The following CFAP44 variants were observed in gnomAD, a reference collection of about 807,000 sequenced individuals.
CFAP44 encodes cilia- and flagella-associated protein 44.
A neutral mutation model predicts 216.2 loss-of-function variants in CFAP44; 134 were observed. That is an observed-to-expected ratio of 0.62 (90% CI 0.54 to 0.72). The LOEUF is 0.72. Ranked by LOEUF, CFAP44 falls within the 30% of genes least tolerant of loss-of-function variation. CFAP44 has a pLI of 0.00. For missense variants in CFAP44, 2,035 were observed against 2,182.1 expected, an observed-to-expected ratio of 0.93 and a Z score of 1.34; for synonymous variants, 700 against 727.6, an observed-to-expected ratio of 0.96 and a Z score of 0.61.
Position 113,287,343 on chromosome 3 carries a change from A to G in CFAP44, c.*4214T>C. 4.6e-6 allele frequency: 1 copy of G among 217,736 alleles called. No homozygotes were observed. Among genetic ancestry groups the G allele is most frequent in the Admixed American group, 5.4e-5 (1 of 18,570 alleles). 13.5% of individuals were successfully genotyped at this position (217,736 alleles called of 1,614,324 possible). On this transcript the variant is annotated 3_prime_UTR_variant, in exon 35 of 35. Transcript: ENST00000393845. ...CCCATGAGAACAGACCAAGATGTGT[A>G]CAGCACTATGAGCATTAAAAAACCT...
At chr3:113,415,857 C>T (rs756615313) in intron 6 of CFAP44, among the ~76,000 whole-genome samples, 1 of 151,994 alleles carries the variant, frequency 6.6e-6, no homozygotes, top group Non-Finnish European at 1.5e-5. Context: ...TAGGGGAGAG[C>T]TCTGTAGAGG....
chr3:113,414,551 TGA>T (rs1241132295), intron 6 of CFAP44, among the ~76,000 whole-genome samples: 2 of 152,172 alleles, frequency 1.3e-5, no homozygotes, highest in African/African-American at 2.4e-5. Flanking sequence ...CCTAGTTTAT[TGA>T]GAGTTTTTGA....
chr3:113,393,103 T>C (rs762566137), intron 15 of CFAP44, among the ~76,000 whole-genome samples: 1 of 152,196 alleles, frequency 6.6e-6, no homozygotes, highest in Non-Finnish European at 1.5e-5. Context: ...AGAAGCTTAA[T>C]ACGTTATGCT....
At chr3:113,407,786 G>A (rs551095453) in intron 7 of CFAP44, among the ~76,000 whole-genome samples, 1 of 152,264 alleles carries the variant, frequency 6.6e-6, no homozygotes, top group African/African-American at 2.4e-5. Context: ...ATAGATAATG[G>A]AGAGTATCAA....
At chr3:113,350,011 G>A (rs1950427222) in intron 22 of CFAP44, among the ~76,000 whole-genome samples, 1 of 152,182 alleles carries the variant, frequency 6.6e-6, no homozygotes, top group South Asian at 2.1e-4. Context: ...AACCTCTGGA[G>A]GCACCCCCAT....
intron 22 of CFAP44, among the ~76,000 whole-genome samples, chr3:113,352,064 G>A (rs560367919): frequency 2.0e-5 from 3 of 152,274 alleles, no homozygotes; most frequent in South Asian, 2.1e-4. Flanking sequence ...TGTTTAGAGG[G>A]GGGATTGAGA....
At chr3:113,303,772 AG>A in intron 32 of CFAP44, 143 bp downstream of exon 32, 1 of 842,268 alleles carries the variant, frequency 1.2e-6, no homozygotes, top group Non-Finnish European at 1.8e-6. Context: ...AACGGTGAGT[AG>A]GAAGATGTTG....
intron 2 of CFAP44, chr3:113,432,225 G>T (rs888974651): frequency 6.6e-6 from 1 of 152,186 alleles, no homozygotes; most frequent in Non-Finnish European, 1.5e-5. Context: ...TGTGCCAGGA[G>T]CTGTGATAAA....
At chr3:113,293,592 C>T (rs148258112) in intron 34 of CFAP44, among the ~76,000 whole-genome samples, 4 of 152,328 alleles carry the variant, frequency 2.6e-5, no homozygotes, top group East Asian at 1.9e-4. Flanking sequence ...CAAAGCACAT[C>T]GACTCAACAA....
At chr3:113,311,533 A>T (rs571120397) in intron 28 of CFAP44, among the ~76,000 whole-genome samples, 79 of 152,316 alleles carry the variant, frequency 5.2e-4, no homozygotes, top group African/African-American at 1.7e-3. Flanking sequence ...AGGCATCCCC[A>T]GCCATGTGGA....
At chr3:113,312,858 C>T (rs1027110750) in intron 28 of CFAP44, among the ~76,000 whole-genome samples, 9 of 152,096 alleles carry the variant, frequency 5.9e-5, no homozygotes, top group African/African-American at 9.7e-5. Context: ...TGGGAACCTC[C>T]GCCTAGATTT....
chr3:113,392,035 T>G (rs764755064), intron 15 of CFAP44, among the ~76,000 whole-genome samples: 1 of 152,134 alleles, frequency 6.6e-6, no homozygotes, highest in African/African-American at 2.4e-5. Flanking sequence ...GCAATCCCAC[T>G]GCTAGGTATA....
chr3:113,384,106 T>G (rs879753037), intron 15 of CFAP44, among the ~76,000 whole-genome samples: 1 of 152,036 alleles, frequency 6.6e-6, no homozygotes, highest in Admixed American at 6.6e-5. Flanking sequence ...TCACCCAGGC[T>G]GGAGTGCAGT....
At chr3:113,306,357 C>G in intron 29 of CFAP44, 26 bp from the exon 30 acceptor site, 1 of 1,530,794 alleles carries the variant, frequency 6.5e-7, no homozygotes. Context: ...AAATAAAAAC[C>G]AGCCTCATTT....
chr3:113,364,589 T>C (rs1476200737), intron 19 of CFAP44, among the ~76,000 whole-genome samples: 3 of 152,186 alleles, frequency 2.0e-5, no homozygotes, highest in Non-Finnish European at 2.9e-5. Context: ...TTTTCTAATA[T>C]CAGTGTAACT....
At chr3:113,335,514 C>G (rs1462224540) in intron 24 of CFAP44, among the ~76,000 whole-genome samples, 1 of 152,160 alleles carries the variant, frequency 6.6e-6, no homozygotes, top group Non-Finnish European at 1.5e-5. Flanking sequence ...TAATGTGAAC[C>G]ACCATGAAGC....
chr3:113,336,691 G>A (rs1364458357), intron 24 of CFAP44, among the ~76,000 whole-genome samples: 1 of 151,998 alleles, frequency 6.6e-6, no homozygotes, highest in African/African-American at 2.4e-5. Flanking sequence ...AATAGCAGAT[G>A]TAAGCCCTAA....
chr3:113,354,840 C>A (rs899632558), intron 22 of CFAP44, among the ~76,000 whole-genome samples: 2 of 152,154 alleles, frequency 1.3e-5, no homozygotes, highest in South Asian at 4.1e-4. Flanking sequence ...AGCTGATGGG[C>A]TCTTGAAAGC....
chr3:113,405,514 C>G (rs1170944001), intron 8 of CFAP44, among the ~76,000 whole-genome samples: 2 of 152,162 alleles, frequency 1.3e-5, no homozygotes, highest in Non-Finnish European at 2.9e-5. Context: ...TTACTTCTTT[C>G]ATTTGCAAGT....
Sources: allele counts gnomAD v4.1 joint callset (sites outside exome capture counted in the v4.1 genomes callset), GRCh38; gene constraint gnomAD v4.1.1; transcripts MANE v1.5; gene names NCBI Gene and HGNC (gene_info 2026-07-23, HGNC 2026-07-21).